The following CSMD2 variants were observed in gnomAD, a reference collection of about 807,000 sequenced individuals.
CSMD2 encodes the protein CUB and Sushi multiple domains 2.
A neutral mutation model predicts 398.5 loss-of-function variants in CSMD2; 130 were observed. The observed-to-expected ratio is 0.33, with a 90% CI of 0.28 to 0.38. The LOEUF (loss-of-function observed/expected upper bound fraction) is 0.38, where lower values mean the gene tolerates loss of function less well. CSMD2 is among the 10% of genes least tolerant of loss of function. The probability of loss-of-function intolerance (pLI) is 1.00; values close to 1 mark genes in which losing one functional copy is unlikely to be tolerated. For synonymous variants in CSMD2, 1,828 were observed against 1,908.5 expected, an observed-to-expected ratio of 0.96 and a Z score of 1.10; for missense variants, 3,829 against 4,764.9, an observed-to-expected ratio of 0.80 and a Z score of 5.78.
At chr1:34,084,264 T>C (rs1657601570) in intron 2 of CSMD2, among the ~76,000 whole-genome samples, 1 of 152,176 alleles carries the variant, frequency 6.6e-6, no homozygotes. Context: ...CACCCTTCCA[T>C]GCTAGAACAC....
chr1:33,649,402 G>A (rs537891543), intron 28 of CSMD2, among the ~76,000 whole-genome samples: 3 of 152,318 alleles, frequency 2.0e-5, no homozygotes, highest in South Asian at 2.1e-4. Flanking sequence ...TCAGCACTTT[G>A]GGAGGCCAAG....
intron 56 of CSMD2, among the ~76,000 whole-genome samples, chr1:33,547,429 A>G (rs1023261671): frequency 6.6e-6 from 1 of 152,236 alleles, no homozygotes; most frequent in African/African-American, 2.4e-5. Context: ...CATGGAATCT[A>G]TCTCCTCATG....
intron 50 of CSMD2, among the ~76,000 whole-genome samples, chr1:33,572,104 A>T (rs1659646376): frequency 6.6e-6 from 1 of 152,210 alleles, no homozygotes; most frequent in South Asian, 2.1e-4. Context: ...AGCACCGTGT[A>T]GGCCAAAAAA....
intron 5 of CSMD2, among the ~76,000 whole-genome samples, chr1:33,852,051 C>T (rs954099186): frequency 1.3e-5 from 2 of 152,102 alleles, no homozygotes; most frequent in Admixed American, 6.5e-5. Flanking sequence ...ATGCTCTGAA[C>T]AAACCAAAGC....
At chr1:34,007,961 C>T (rs1428425064) in intron 3 of CSMD2, among the ~76,000 whole-genome samples, 1 of 152,102 alleles carries the variant, frequency 6.6e-6, no homozygotes, top group Non-Finnish European at 1.5e-5. Flanking sequence ...ATGAGCATAT[C>T]CAAGGCTGGC....
At chr1:33,614,055 T>C (rs1641222413) in intron 40 of CSMD2, among the ~76,000 whole-genome samples, 1 of 152,198 alleles carries the variant, frequency 6.6e-6, no homozygotes, top group Non-Finnish European at 1.5e-5. Context: ...TTGATTTGGC[T>C]CAATTTAATT....
At chr1:34,008,182 T>C (rs1267688814) in intron 3 of CSMD2, among the ~76,000 whole-genome samples, 1 of 152,220 alleles carries the variant, frequency 6.6e-6, no homozygotes, top group Non-Finnish European at 1.5e-5. Flanking sequence ...CTCCATACTT[T>C]ACGTTTACCA....
chr1:33,779,504 C>A (rs530980648), intron 12 of CSMD2, among the ~76,000 whole-genome samples: 1 of 152,238 alleles, frequency 6.6e-6, no homozygotes, highest in South Asian at 2.1e-4. Context: ...AGTGACTAAC[C>A]ATATTTCCTC....
At chr1:33,578,725 T>A (rs1437945547) in intron 48 of CSMD2, among the ~76,000 whole-genome samples, 2 of 152,198 alleles carry the variant, frequency 1.3e-5, no homozygotes, top group Non-Finnish European at 2.9e-5. Flanking sequence ...TCTCTTTGTT[T>A]GCCCTAGGAG....
At chr1:33,596,621 AAGG>A (rs1467928144) in intron 44 of CSMD2, among the ~76,000 whole-genome samples, 1 of 152,310 alleles carries the variant, frequency 6.6e-6, no homozygotes, top group South Asian at 2.1e-4. Context: ...TGGCAGCAAG[AAGG>A]AGAAGAATGA....
intron 28 of CSMD2, among the ~76,000 whole-genome samples, chr1:33,651,009 G>A (rs1420993229): frequency 6.6e-6 from 1 of 152,190 alleles, no homozygotes; most frequent in Admixed American, 6.5e-5. Context: ...GCATGTATCA[G>A]TAGTTCATTC....
chr1:33,983,944 G>T (rs1025803233), intron 3 of CSMD2, among the ~76,000 whole-genome samples: 2 of 152,168 alleles, frequency 1.3e-5, no homozygotes, highest in Non-Finnish European at 2.9e-5. Flanking sequence ...CCTAAGGTCA[G>T]GAGTTAAAGA....
Position 34,164,669 on chromosome 1 carries a change from C to T in CSMD2, c.187+242G>A, listed in dbSNP as rs2148595663. Among the ~76,000 whole-genome samples, 1 of 152,210 alleles carries T rather than the reference C, an allele frequency of 6.6e-6. No homozygotes were observed. The highest frequency in any genetic ancestry group is 2.1e-4 in the South Asian group (1 of 4,816). Reference sequence around the variant, plus strand: ...TCCCAGGCCCCCACACCGGCCGCATCCGTCCAAGTTGCGGCTGGGGTTGGG... The same window carrying T: ...TCCCAGGCCCCCACACCGGCCGCATTCGTCCAAGTTGCGGCTGGGGTTGGG... On this transcript the variant is annotated intron_variant, in intron 1 of 70. Transcript: ENST00000373381. The surrounding 1 kb of genome is among the most constrained non-coding windows in gnomAD (Gnocchi z 6.2).
intron 48 of CSMD2, among the ~76,000 whole-genome samples, chr1:33,579,261 T>A (rs1246591164): frequency 6.6e-6 from 1 of 152,190 alleles, no homozygotes; most frequent in Non-Finnish European, 1.5e-5. Context: ...AACTCAGCCC[T>A]AAGAGGCACC....
intron 3 of CSMD2, among the ~76,000 whole-genome samples, chr1:34,001,544 T>A (rs1203749861): frequency 1.3e-5 from 2 of 152,232 alleles, no homozygotes; most frequent in Non-Finnish European, 2.9e-5. Flanking sequence ...GTCATTTACA[T>A]ATTTAGACAA....
chr1:33,693,322 T>C (rs1645304738), intron 24 of CSMD2, among the ~76,000 whole-genome samples: 1 of 152,186 alleles, frequency 6.6e-6, no homozygotes, highest in Admixed American at 6.5e-5. Flanking sequence ...AGAGGATATA[T>C]AAATAGCCAA....
At chr1:33,952,924 G>A (rs1460475380) in intron 3 of CSMD2, among the ~76,000 whole-genome samples, 1 of 152,220 alleles carries the variant, frequency 6.6e-6, no homozygotes, top group Non-Finnish European at 1.5e-5. Flanking sequence ...TATGTTTACT[G>A]AACTCACGTC....
intron 1 of CSMD2, among the ~76,000 whole-genome samples, chr1:34,117,840 A>G (rs939678687): frequency 4.6e-5 from 7 of 152,236 alleles, no homozygotes; most frequent in African/African-American, 1.4e-4. Flanking sequence ...CATCAATATA[A>G]TATCCCATGT....
chr1:33,983,048 T>C (rs57053137), intron 3 of CSMD2, among the ~76,000 whole-genome samples: 38,724 of 151,916 alleles, frequency 0.25, 5,750 homozygotes, highest in Non-Finnish European at 0.34. Flanking sequence ...GACCCAGCTG[T>C]CTACAGATGG....
Sources: gnomAD v4.1 joint callset for allele counts (sites outside exome capture counted in the v4.1 genomes callset) on GRCh38, gnomAD v4.1.1 for gene constraint, Gnocchi (gnomAD v3.1) non-coding constraint, MANE v1.5 for transcripts, NCBI Gene and HGNC (gene_info 2026-07-23, HGNC 2026-07-21) for gene names.